The following RIMBP2 variants were observed in gnomAD, a reference collection of about 807,000 sequenced individuals.
RIMBP2 encodes the protein RIMS binding protein 2.
Under a neutral mutation model 118.6 loss-of-function variants are expected in RIMBP2, and 48 were observed. The observed-to-expected ratio is 0.40, with a 90% CI of 0.32 to 0.51. RIMBP2 has a LOEUF of 0.51. Among genes scored for constraint, RIMBP2 ranks in the 20% least tolerant of loss-of-function variants. The probability of loss-of-function intolerance (pLI) is 0.41; values close to 1 mark genes in which losing one functional copy is unlikely to be tolerated. For synonymous variants in RIMBP2, 762 were observed against 742.9 expected (o/e 1.03, Z -0.42); for missense variants, 1,551 against 1,768.3 (o/e 0.88, Z 2.20).
Position 130,710,446 on chromosome 12 carries a change from G to GCA in RIMBP2, c.-352+5774_-352+5775dup, listed in dbSNP as rs372257060. Among the ~76,000 whole-genome samples, 8 of 151,756 alleles carry GCA rather than the reference G, an allele frequency of 5.3e-5. No individual in the cohort carries two copies. Among genetic ancestry groups the GCA allele is most frequent in the Non-Finnish European group, 1.0e-4 (7 of 67,932 alleles). The stretch of plus-strand genomic sequence containing the variant: ...TGCACACACACACATACACGCAGGC[G>GCA]CACACACACACATACACACACACAC... On this transcript the variant is annotated intron_variant, in intron 1 of 22. Coordinates refer to ENST00000690449, the MANE Select transcript of RIMBP2 (RefSeq NM_001393629.1). The surrounding 1 kb of genome is among the most constrained non-coding windows in gnomAD (Gnocchi z 4.3).
intron 2 of RIMBP2, among the ~76,000 whole-genome samples, chr12:130,522,737 G>T (rs546601684): frequency 7.4e-4 from 112 of 152,256 alleles, no homozygotes; most frequent in African/African-American, 2.6e-3. Flanking sequence ...GGTTTCCACG[G>T]AGGATGGCCC....
chr12:130,708,400 T>C (rs1324404888), intron 1 of RIMBP2, among the ~76,000 whole-genome samples: 1 of 152,152 alleles, frequency 6.6e-6, no homozygotes, highest in Non-Finnish European at 1.5e-5. Context: ...AGTAAAGCAG[T>C]CTTAAAGCTG....
intron 4 of RIMBP2, among the ~76,000 whole-genome samples, chr12:130,484,193 G>A (rs1482730117): frequency 1.3e-5 from 2 of 152,144 alleles, no homozygotes; most frequent in Non-Finnish European, 2.9e-5. Flanking sequence ...CCCTCGGTGG[G>A]GAGTAAAGCG....
chr12:130,710,427 C>T lies in RIMBP2; in HGVS notation c.-352+5795G>A, dbSNP rs752548078. Among the ~76,000 whole-genome samples the T allele has an allele frequency of 6.6e-6, 1 of 152,066 alleles. No individual in the cohort carries two copies. The highest frequency in any genetic ancestry group is 1.5e-5 in the Non-Finnish European group (1 of 68,012). Reference sequence around the variant, plus strand: ...TTGCCCGTTGTCTTACACATGCACACACACACATACACGCAGGCGCACACA... The same window carrying T: ...TTGCCCGTTGTCTTACACATGCACATACACACATACACGCAGGCGCACACA... On this transcript the variant is annotated intron_variant, in intron 1 of 22. Coordinates refer to ENST00000690449, the MANE Select transcript of RIMBP2 (RefSeq NM_001393629.1). This position sits in a 1 kb window ranked among gnomAD's most constrained non-coding sequence, Gnocchi z 4.3.
Position 130,432,796 on chromosome 12 carries a change from T to C in RIMBP2, c.2253+1938A>G, listed in dbSNP as rs112697365. Among the ~76,000 whole-genome samples the C allele has an allele frequency of 5.8e-3, 890 of 152,292 alleles. 8 individuals are homozygous for C. Among genetic ancestry groups the C allele is most frequent in the Non-Finnish European group, 9.9e-3 (675 of 68,028 alleles). On this transcript the variant is annotated intron_variant, in intron 14 of 22. Coordinates refer to ENST00000690449, the MANE Select transcript of RIMBP2 (RefSeq NM_001393629.1). ...ACAGACTTCTGTTGTTTGAGCCACC[T>C]GATCTATGGTATTCTGTGACGGCAG... is the stretch of plus-strand genomic sequence containing the variant.
intron 1 of RIMBP2, among the ~76,000 whole-genome samples, chr12:130,664,759 C>G (rs894668747): frequency 6.6e-6 from 1 of 151,770 alleles, no homozygotes; most frequent in African/African-American, 2.4e-5. Context: ...AAGGAGCTCC[C>G]GCTGACCTTT....
At chr12:130,507,197 G>C (rs2050450575) in intron 3 of RIMBP2, among the ~76,000 whole-genome samples, 1 of 152,160 alleles carries the variant, frequency 6.6e-6, no homozygotes, top group South Asian at 2.1e-4. Flanking sequence ...AAGACAAACA[G>C]CTGGAACTAC....
chr12:130,489,308 C>G (rs1186524199), intron 4 of RIMBP2, among the ~76,000 whole-genome samples: 2 of 152,166 alleles, frequency 1.3e-5, no homozygotes, highest in Non-Finnish European at 2.9e-5. Flanking sequence ...TGGAATCCCA[C>G]AACATCTTGG....
rs1018142527 is a variant in RIMBP2 at position 130,422,067 on chromosome 12, G to A, written c.3238+386C>T. ...TTCTGCAGACAGGCAGCATTCCCTCGGGTGGGGCTCACAGACCCCTGAGGC... is the reference window on the plus strand; with the variant it reads ...TTCTGCAGACAGGCAGCATTCCCTCAGGTGGGGCTCACAGACCCCTGAGGC... On this transcript the variant is annotated intron_variant, in intron 17 of 22. Coordinates refer to ENST00000690449, the MANE Select transcript of RIMBP2 (RefSeq NM_001393629.1). The surrounding 1 kb of genome is among the most constrained non-coding windows in gnomAD (Gnocchi z 5.2). Among the ~76,000 whole-genome samples the A allele has an allele frequency of 4.6e-5, 7 of 152,112 alleles. No individual in the cohort carries two copies. Among genetic ancestry groups the A allele is most frequent in the Non-Finnish European group, 8.8e-5 (6 of 68,022 alleles).
chr12:130,648,862 G>A (rs548821337), intron 1 of RIMBP2, among the ~76,000 whole-genome samples: 1 of 145,566 alleles, frequency 6.9e-6, no homozygotes, highest in South Asian at 2.1e-4. Flanking sequence ...CTCCATGTTG[G>A]TCAGGCTGGT....
intron 4 of RIMBP2, among the ~76,000 whole-genome samples, chr12:130,495,119 C>T (rs1310882045): frequency 1.3e-5 from 2 of 152,248 alleles, no homozygotes; most frequent in South Asian, 2.1e-4. Context: ...ATATTAATGA[C>T]ATCTGGACAG....
chr12:130,615,405 G>C (rs1309814085), intron 2 of RIMBP2, among the ~76,000 whole-genome samples: 1 of 151,110 alleles, frequency 6.6e-6, no homozygotes, highest in African/African-American at 2.4e-5. Context: ...CTACCTCCCG[G>C]GTTCAAGCAA....
chr12:130,623,023 A>G lies in RIMBP2; in HGVS notation c.-217+5299T>C, dbSNP rs562249421. Among the ~76,000 whole-genome samples, 2 of 152,320 alleles carry G rather than the reference A, an allele frequency of 1.3e-5. No homozygotes were observed. Among genetic ancestry groups the G allele is most frequent in the South Asian group, 4.1e-4 (2 of 4,822 alleles). ...TTGGGGCCATTTCCTTCTAGTATCA[A>G]TGGTTTCTTATCTCAACAAATATTT... is the stretch of plus-strand genomic sequence containing the variant. On this transcript the variant is annotated intron_variant, in intron 2 of 22. Coordinates refer to ENST00000690449, the MANE Select transcript of RIMBP2 (RefSeq NM_001393629.1). The surrounding 1 kb of genome is among the most constrained non-coding windows in gnomAD (Gnocchi z 4.1).
intron 1 of RIMBP2, among the ~76,000 whole-genome samples, chr12:130,687,536 G>A (rs1566457394): frequency 6.6e-6 from 1 of 152,118 alleles, no homozygotes; most frequent in African/African-American, 2.4e-5. Flanking sequence ...GTTCTGCGTG[G>A]TTCTGTGATG....
intron 2 of RIMBP2, among the ~76,000 whole-genome samples, chr12:130,535,069 C>T (rs1044626598): frequency 1.3e-5 from 2 of 152,214 alleles, no homozygotes; most frequent in African/African-American, 2.4e-5. Flanking sequence ...AGCAAGCTCA[C>T]GTCAGACCTT....
At chr12:130,508,509 C>T (rs2050581416) in intron 3 of RIMBP2, among the ~76,000 whole-genome samples, 1 of 151,888 alleles carries the variant, frequency 6.6e-6, no homozygotes, top group South Asian at 2.1e-4. Context: ...CCCGGCCCTG[C>T]CCCAGTCTGC....
At chr12:130,698,626 C>T (rs989553787) in intron 1 of RIMBP2, among the ~76,000 whole-genome samples, 5 of 152,088 alleles carry the variant, frequency 3.3e-5, no homozygotes, top group African/African-American at 1.2e-4. Context: ...CCATAAAAAT[C>T]CTAGAAGAAA....
At chr12:130,671,980 C>G (rs1308487167) in intron 1 of RIMBP2, among the ~76,000 whole-genome samples, 1 of 152,122 alleles carries the variant, frequency 6.6e-6, no homozygotes, top group Non-Finnish European at 1.5e-5. Context: ...GGTCAGTGGG[C>G]CAGCATATTT....
intron 21 of RIMBP2, among the ~76,000 whole-genome samples, chr12:130,402,014 G>C (rs571887296): frequency 5.9e-5 from 9 of 152,320 alleles, no homozygotes; most frequent in Admixed American, 5.9e-4. Context: ...AGTAGAATGT[G>C]GGTGGAACTG....
Sources: allele counts gnomAD v4.1 joint callset (sites outside exome capture counted in the v4.1 genomes callset), GRCh38; gene constraint gnomAD v4.1.1; non-coding constraint Gnocchi (gnomAD v3.1); transcripts MANE v1.5; gene names NCBI Gene and HGNC (gene_info 2026-07-23, HGNC 2026-07-21).